SENP7: variants seen among roughly 807,000 people sequenced by gnomAD.
The protein encoded by SENP7 is sentrin-specific protease 7.
A neutral mutation model predicts 141.2 loss-of-function variants in SENP7; 64 were observed. The ratio of observed to expected loss-of-function variants is 0.45; its 90% confidence interval spans 0.37 to 0.56. The LOEUF (loss-of-function observed/expected upper bound fraction) is 0.56. Ranked by LOEUF, SENP7 falls within the 20% of genes least tolerant of loss-of-function variation. The pLI is 0.00. For missense variants in SENP7, 1,025 were observed against 1,212.2 expected (o/e 0.85, Z 2.29); for synonymous variants, 382 against 426.4 (o/e 0.90, Z 1.28).
In SENP7 at chr3:101,381,480, T is replaced by C. The variant is rs578169366; in HGVS notation, c.678-9354A>G. The stretch of plus-strand genomic sequence containing the variant: ...TAGATGAAAGCATATCAAAATATTA[T>C]CAATGCTTATTATTGAGGAATGGAT... On this transcript the variant is annotated intron_variant, in intron 6 of 23. Coordinates refer to ENST00000394095, the MANE Select transcript of SENP7 (RefSeq NM_020654.5). Among the ~76,000 whole-genome samples the C allele has an allele frequency of 2.1e-3, 324 of 152,258 alleles. 1 individual carries two copies. The highest frequency in any genetic ancestry group is 6.9e-3 in the Middle Eastern group (2 of 290).
intron 3 of SENP7, among the ~76,000 whole-genome samples, chr3:101,490,218 AAG>A (rs2064911014): frequency 6.6e-6 from 1 of 152,112 alleles, no homozygotes; most frequent in Admixed American, 6.5e-5. Context: ...CAAAAAAAAA[AAG>A]AGCCTAAAAG....
At chr3:101,410,405 G>C (rs2061421393) in intron 5 of SENP7, among the ~76,000 whole-genome samples, 1 of 152,150 alleles carries the variant, frequency 6.6e-6, no homozygotes, top group Non-Finnish European at 1.5e-5. Flanking sequence ...ACCACCATTT[G>C]ATCCAGCAAT....
At chr3:101,430,752 T>A (rs1380408961) in intron 4 of SENP7, among the ~76,000 whole-genome samples, 1 of 152,240 alleles carries the variant, frequency 6.6e-6, no homozygotes, top group Non-Finnish European at 1.5e-5. Context: ...CTCTTCCTTC[T>A]GTAGTTCTTT....
At chr3:101,452,821 G>A (rs191457842) in intron 4 of SENP7, among the ~76,000 whole-genome samples, 119 of 151,944 alleles carry the variant, frequency 7.8e-4, no homozygotes, top group African/African-American at 2.6e-3. Context: ...ACTTCATGTC[G>A]AAAACACCAA....
intron 10 of SENP7, chr3:101,363,177 T>A (rs1267082540): frequency 3.4e-6 from 3 of 871,350 alleles, no homozygotes; most frequent in South Asian, 1.1e-4. Flanking sequence ...TTGCTTAGTA[T>A]ACTATTAATA....
intron 3 of SENP7, among the ~76,000 whole-genome samples, chr3:101,459,982 A>G (rs566511361): frequency 6.6e-6 from 1 of 152,228 alleles, no homozygotes; most frequent in Non-Finnish European, 1.5e-5. Flanking sequence ...AATTTAGTCA[A>G]GGCAATGTAA....
At position 101,394,393 on chromosome 3, in the gene SENP7, T is replaced by A. The variant is rs148856632; in HGVS notation, c.677+4468A>T. 8.0e-3 allele frequency among the ~76,000 whole-genome samples: 1,217 copies of A among 152,314 alleles called. 6 individuals are homozygous for A. Among genetic ancestry groups the A allele is most frequent in the South Asian group, 0.012 (57 of 4,828 alleles). ...GTATCTTTGCTATGGTGAATAGTACTGCAAAAAAACATGGTAGGTGCATGT... is the reference window on the plus strand; with the variant it reads ...GTATCTTTGCTATGGTGAATAGTACAGCAAAAAAACATGGTAGGTGCATGT... On this transcript the variant is annotated intron_variant, in intron 6 of 23. Transcript: ENST00000394095.
chr3:101,459,098 A>G (rs1250198988), intron 3 of SENP7, 46 bp from the exon 4 acceptor site: 1 of 1,079,516 alleles, frequency 9.3e-7, no homozygotes. Flanking sequence ...TATCAATATG[A>G]CAAGAGGCAT....
At chr3:101,410,127 A>C (rs2061413196) in intron 5 of SENP7, among the ~76,000 whole-genome samples, 1 of 152,232 alleles carries the variant, frequency 6.6e-6, no homozygotes, top group South Asian at 2.1e-4. Context: ...TGGGGTAAGG[A>C]TATGAATAGA....
At chr3:101,430,115 C>A (rs371634574) in intron 4 of SENP7, among the ~76,000 whole-genome samples, 2 of 151,898 alleles carry the variant, frequency 1.3e-5, no homozygotes, top group South Asian at 2.1e-4. Flanking sequence ...ATTTTCATAT[C>A]GATGTTCATC....
intron 3 of SENP7, among the ~76,000 whole-genome samples, chr3:101,477,761 G>T (rs542433974): frequency 6.6e-6 from 1 of 151,682 alleles, no homozygotes; most frequent in South Asian, 2.1e-4. Context: ...TGAGGCAGGA[G>T]AATCACTTGA....
At chr3:101,347,721 C>CAAAAAAAAAAAAAAAAAAAAAAAAAAAA (rs11389959) in intron 13 of SENP7, 151 bp downstream of exon 13, 1 of 263,652 alleles carries the variant, frequency 3.8e-6, no homozygotes, top group Non-Finnish European at 6.3e-6. Flanking sequence ...GACTCCATCT[C>CAAAAAAAAAAAAAAAAAAAAAAAAAAAA]AAAAAAAAAA....
chr3:101,476,099 A>T (rs543426868), intron 3 of SENP7, among the ~76,000 whole-genome samples: 1 of 152,258 alleles, frequency 6.6e-6, no homozygotes, highest in East Asian at 1.9e-4. Context: ...TAACATTGCC[A>T]GTTTTTTTAT....
chr3:101,505,830 T>A (rs2065581169), intron 1 of SENP7, among the ~76,000 whole-genome samples: 2 of 152,196 alleles, frequency 1.3e-5, no homozygotes, highest in Admixed American at 1.3e-4. Flanking sequence ...TTTAGCATTA[T>A]GACTAACACA....
intron 11 of SENP7, among the ~76,000 whole-genome samples, chr3:101,356,900 C>T (rs774873274): frequency 3.9e-5 from 6 of 152,082 alleles, no homozygotes; most frequent in African/African-American, 1.2e-4. Context: ...ATATTTGTAA[C>T]GGTTGTCTTC....
At chr3:101,490,389 T>C (rs905285684) in intron 3 of SENP7, among the ~76,000 whole-genome samples, 1 of 152,140 alleles carries the variant, frequency 6.6e-6, no homozygotes, top group Non-Finnish European at 1.5e-5. Context: ...GTACATATTA[T>C]GTGATTCCAT....
chr3:101,411,447 A>T (rs1413386527), intron 5 of SENP7, among the ~76,000 whole-genome samples: 5 of 152,250 alleles, frequency 3.3e-5, no homozygotes, highest in African/African-American at 1.2e-4. Flanking sequence ...TCTTCATAGC[A>T]CACAGCCACA....
At chr3:101,344,991 CAAAAAAAAA>C (rs71132568) in intron 13 of SENP7, among the ~76,000 whole-genome samples, 33 of 61,352 alleles carry the variant, frequency 5.4e-4, no homozygotes, top group African/African-American at 1.9e-3. Context: ...AAAAAGAAAG[CAAAAAAAAA>C]AAAAAAAAAA....
At chr3:101,490,522 G>T (rs1270858169) in intron 3 of SENP7, among the ~76,000 whole-genome samples, 1 of 152,014 alleles carries the variant, frequency 6.6e-6, no homozygotes, top group Non-Finnish European at 1.5e-5. Context: ...TCATATACTT[G>T]AGTCACATAA....
Sources: allele counts gnomAD v4.1 joint callset (sites outside exome capture counted in the v4.1 genomes callset), GRCh38; gene constraint gnomAD v4.1.1; transcripts MANE v1.5; gene names NCBI Gene and HGNC (gene_info 2026-07-23, HGNC 2026-07-21).